The following KLK5 variants were observed in gnomAD, a reference collection of about 807,000 sequenced individuals.
KLK5 encodes the protein kallikrein related peptidase 5, also known as kallikrein-5.
Under a neutral mutation model 24.0 loss-of-function variants are expected in KLK5, and 18 were observed. That is an observed-to-expected ratio of 0.75 (90% CI 0.52 to 1.11). KLK5 has a LOEUF of 1.11. KLK5 is among the 50% of genes most tolerant of loss of function. The probability of loss-of-function intolerance (pLI) is 0.00; values close to 1 mark genes in which losing one functional copy is unlikely to be tolerated. For missense variants in KLK5, 374 were observed against 379.2 expected, an observed-to-expected ratio of 0.99 and a Z score of 0.11; for synonymous variants, 140 against 154.0, an observed-to-expected ratio of 0.91 and a Z score of 0.67.
At chr19:50,945,999 T>G (rs1395204136) in intron 5 of KLK5, among the ~76,000 whole-genome samples, 1 of 152,218 alleles carries the variant, frequency 6.6e-6, no homozygotes, top group East Asian at 1.9e-4. Context: ...GCATGTGCCA[T>G]TGCACCCGGC....
rs1340532597 is a variant in KLK5 at position 50,949,920 on chromosome 19, C to T, written c.270G>A (p.Gln90=). 1 of 1,613,590 alleles carries T rather than the reference C, an allele frequency of 6.2e-7. No homozygotes were observed. The highest frequency in any genetic ancestry group is 8.5e-7 in the Non-Finnish European group (1 of 1,179,998). Residue 90 remains glutamine (Q), a synonymous_variant, in exon 3 of 6, where the codon CAG becomes CAA. Transcript: ENST00000336334. ...GCACCAACACCGCCCCGCAGTAGAG[C>T]TGGTTGGGCCTTAGCAACAGCGCGG... ...WQAALLLRPN[Q]LYCGAVLVHP...
At chr19:50,952,500 A>G (rs2090696171) in intron 2 of KLK5, 85 bp downstream of exon 2, 2 of 973,046 alleles carry the variant, frequency 2.1e-6, no homozygotes, top group Admixed American at 2.6e-5. Flanking sequence ...CCAGGCTCAC[A>G]CAGTTCCCCA....
In KLK5 at chr19:50,952,759, G is replaced by A. The variant is rs11553092; in HGVS notation, c.-24C>T. On this transcript the variant is annotated 5_prime_UTR_variant, in exon 1 of 6. Coordinates refer to ENST00000336334, the MANE Select transcript of KLK5 (RefSeq NM_012427.5). ...CTCCCTCCCCTACCTTATTTCCCCA[G>A]GTAGAGAGGAACCACAAGGACGGGC... 288,338 of 782,680 alleles carry A rather than the reference G, an allele frequency of 0.37. 58,804 individuals are homozygous for A. The highest frequency in any genetic ancestry group is 0.78 in the East Asian group (25,896 of 33,376). The allele number at this position is 782,680 out of a possible 1,614,324, so 48.5% of individuals were successfully genotyped here.
chr19:50,946,377 ATTG>A (rs1419843421), intron 5 of KLK5, among the ~76,000 whole-genome samples: 4 of 152,180 alleles, frequency 2.6e-5, no homozygotes, highest in African/African-American at 7.2e-5. Context: ...TGGTATTAGT[ATTG>A]TTGTAGTTGT....
At chr19:50,948,066 TG>T (rs1708991807) in intron 5 of KLK5, among the ~76,000 whole-genome samples, 1 of 152,226 alleles carries the variant, frequency 6.6e-6, no homozygotes, top group African/African-American at 2.4e-5. Flanking sequence ...TTGAAATGAT[TG>T]TATTTGGGAT....
chr19:50,943,841 A>T, intron 5 of KLK5, 55 bp from the exon 6 acceptor site: 1 of 1,485,084 alleles, frequency 6.7e-7, no homozygotes, highest in South Asian at 1.2e-5. Context: ...AAGTGGGCAG[A>T]AGGAGACATG....
At chr19:50,944,925 T>G (rs1430472888) in intron 5 of KLK5, among the ~76,000 whole-genome samples, 1 of 152,058 alleles carries the variant, frequency 6.6e-6, no homozygotes, top group African/African-American at 2.4e-5. Context: ...AACAGTCATT[T>G]TTTTCCCTCT....
At position 50,948,906 on chromosome 19, in the gene KLK5, C is replaced by A. The variant is rs752247320; in HGVS notation, c.545G>T (p.Gly182Val). 1 of 1,614,004 alleles carries A rather than the reference C, an allele frequency of 6.2e-7. No individual in the cohort carries two copies. The highest frequency in any genetic ancestry group is 1.7e-5 in the Admixed American group (1 of 59,982). Reference sequence around the variant, plus strand: ...CCAGCCAGACACCAAGCACTTTGTCCCAGCAGAGGGACAATGAGAGGAGAC... The same window carrying A: ...CCAGCCAGACACCAAGCACTTTGTCACAGCAGAGGGACAATGAGAGGAGAC... ...INVSSHCPSAGTKCLVSGWGT... is the reference protein window; with the variant it reads ...INVSSHCPSAVTKCLVSGWGT... Residue 182 changes from glycine to valine, a missense_variant, in exon 4 of 6, where the codon GGG (glycine) becomes GTG (valine). Transcript: ENST00000336334.
chr19:50,948,707 G>A lies in KLK5; in HGVS notation c.659C>T (p.Ala220Val). 2 of 1,614,166 alleles carry A rather than the reference G, an allele frequency of 1.2e-6. No individual in the cohort carries two copies. The highest frequency in any genetic ancestry group is 1.7e-6 in the Non-Finnish European group (2 of 1,180,034). ...SVLSQKRCEDAYPRQIDDTMF... is the reference protein window; with the variant it reads ...SVLSQKRCEDVYPRQIDDTMF... ...GGTGTCATCTATCTGTCTCGGGTAAGCATCCTCGCACCTTTTCTGACTTAG... is the reference window on the plus strand; with the variant it reads ...GGTGTCATCTATCTGTCTCGGGTAAACATCCTCGCACCTTTTCTGACTTAG... Residue 220 changes from alanine to valine, a missense_variant, in exon 5 of 6, where the codon GCT becomes GTT. Ala to Val is a moderately conservative substitution (Grantham distance 64, BLOSUM62 0). Transcript: ENST00000336334.
chr19:50,943,473 A>G lies in KLK5; in HGVS notation c.*158T>C, dbSNP rs574761210. 2.5e-5 allele frequency: 17 copies of G among 668,956 alleles called. No homozygotes were observed. In the South Asian group the frequency reaches 3.6e-4, roughly 14 times the overall value. 41.4% of individuals were successfully genotyped at this position (668,956 alleles called of 1,614,324 possible). ...CAACTAGAGAGACACGGTCAGCCCA[A>G]TGTGGGGGAAGCAGACCCTGAGTCC... On this transcript the variant is annotated 3_prime_UTR_variant, in exon 6 of 6. Coordinates refer to ENST00000336334, the MANE Select transcript of KLK5 (RefSeq NM_012427.5).
At chr19:50,946,824 G>T (rs1212796900) in intron 5 of KLK5, among the ~76,000 whole-genome samples, 1 of 152,144 alleles carries the variant, frequency 6.6e-6, no homozygotes, top group Non-Finnish European at 1.5e-5. Context: ...CTCCCAAAGT[G>T]TTGGGATTAC....
At chr19:50,949,140 A>G in intron 3 of KLK5, 25 bp from the exon 4 acceptor site, 2 of 1,604,686 alleles carry the variant, frequency 1.2e-6, no homozygotes, top group African/African-American at 2.7e-5. Context: ...GCAGGTCACC[A>G]CCAACCCTGA....
chr19:50,944,387 C>T (rs1297298435), intron 5 of KLK5, among the ~76,000 whole-genome samples: 1 of 152,192 alleles, frequency 6.6e-6, no homozygotes, highest in South Asian at 2.1e-4. Flanking sequence ...CACATCATTT[C>T]GGGGGGGTCT....
At chr19:50,950,623 G>A (rs866949337) in intron 2 of KLK5, among the ~76,000 whole-genome samples, 4 of 152,006 alleles carry the variant, frequency 2.6e-5, no homozygotes, top group Non-Finnish European at 5.9e-5. Flanking sequence ...TGGGGGCGGT[G>A]GCTCACGCCT....
At position 50,948,981 on chromosome 19, in the gene KLK5, A is replaced by G; in HGVS notation, c.470T>C (p.Ile157Thr). 6.2e-7 allele frequency: 1 copy of G among 1,613,990 alleles called. No individual in the cohort carries two copies. Among genetic ancestry groups the G allele is most frequent in the Non-Finnish European group, 8.5e-7 (1 of 1,179,990 alleles). Residue 157 changes from isoleucine (I) to threonine (T), a missense_variant, in exon 4 of 6, where the codon ATC (isoleucine) becomes ACC (threonine). Physicochemically the swap from Ile to Thr is moderately conservative, Grantham distance 89. Coordinates refer to ENST00000336334, the MANE Select transcript of KLK5 (RefSeq NM_012427.5). ...HPGHSNDLML[I>T]KLNRRIRPTK... ...GGGACGAATTCTTCTGTTCAGTTTG[A>G]TGAGCATGAGGTCGTTAGAGTGGCC...
At chr19:50,949,739 A>ACCCCCCTTCCCCCTCCC in intron 3 of KLK5, 116 bp downstream of exon 3, 4 of 432,326 alleles carry the variant, frequency 9.3e-6, no homozygotes, top group South Asian at 4.8e-5. Context: ...GACACCCCCA[A>ACCCCCCTTCCCCCTCCC]CCCCACTTCC....
intron 3 of KLK5, among the ~76,000 whole-genome samples, chr19:50,949,393 C>T (rs2090664126): frequency 6.6e-6 from 1 of 151,672 alleles, no homozygotes; most frequent in Non-Finnish European, 1.5e-5. Flanking sequence ...CCACCCAAAA[C>T]TCCAATCCCC....
chr19:50,948,559 G>T (rs2232536), intron 5 of KLK5, 81 bp downstream of exon 5: 2 of 1,452,282 alleles, frequency 1.4e-6, no homozygotes, highest in East Asian at 4.6e-5. Flanking sequence ...GCAATTGCTG[G>T]ATTCTCAGAA....
chr19:50,943,913 G>GT (rs1286424024), intron 5 of KLK5, 127 bp from the exon 6 acceptor site: 16 of 630,618 alleles, frequency 2.5e-5, no homozygotes, highest in Non-Finnish European at 4.2e-5. Context: ...GAGATGGAAA[G>GT]TACAGAGATG....
Sources: allele counts gnomAD v4.1 joint callset (sites outside exome capture counted in the v4.1 genomes callset), GRCh38; gene constraint gnomAD v4.1.1; transcripts MANE v1.5; gene names NCBI Gene and HGNC (gene_info 2026-07-23, HGNC 2026-07-21).